ARFIP1: variants seen among roughly 807,000 people sequenced by gnomAD.
The protein encoded by ARFIP1 is arfaptin-1.
In ARFIP1, 24 loss-of-function variants were observed where a neutral mutation model predicts 42.5. The observed-to-expected ratio is 0.57, with a 90% confidence interval of 0.41 to 0.80. The LOEUF (loss-of-function observed/expected upper bound fraction) is 0.80. Ranked by LOEUF, ARFIP1 falls within the 30% of genes least tolerant of loss-of-function variation. ARFIP1 has a pLI of 0.00. For synonymous variants in ARFIP1, 141 were observed against 153.7 expected (o/e 0.92, Z 0.61); for missense variants, 354 against 434.0 (o/e 0.82, Z 1.64).
chr4:152,897,061 CA>C (rs1419532115), intron 8 of ARFIP1, among the ~76,000 whole-genome samples: 1 of 152,162 alleles, frequency 6.6e-6, no homozygotes. Flanking sequence ...TTTAAACACA[CA>C]TGGAAGAGGA....
intron 1 of ARFIP1, among the ~76,000 whole-genome samples, chr4:152,822,540 C>T (rs1438166754): frequency 6.6e-6 from 1 of 152,132 alleles, no homozygotes; most frequent in African/African-American, 2.4e-5. Flanking sequence ...ACACTGGAGT[C>T]AAGCTACACT....
At chr4:152,812,639 T>A (rs1307240777) in intron 1 of ARFIP1, among the ~76,000 whole-genome samples, 1 of 152,242 alleles carries the variant, frequency 6.6e-6, no homozygotes, top group African/African-American at 2.4e-5. Flanking sequence ...AAATTCCAAA[T>A]GAACTGGTGG....
At chr4:152,904,573 AGT>A (rs1467553910) in intron 8 of ARFIP1, among the ~76,000 whole-genome samples, 6 of 151,906 alleles carry the variant, frequency 3.9e-5, no homozygotes, top group African/African-American at 1.5e-4. Flanking sequence ...GACAGGCCCC[AGT>A]GTGTGTTGAT....
At chr4:152,837,411 C>G (rs1179505531) in intron 2 of ARFIP1, among the ~76,000 whole-genome samples, 1 of 152,116 alleles carries the variant, frequency 6.6e-6, no homozygotes, top group African/African-American at 2.4e-5. Flanking sequence ...GAAGTGTTTC[C>G]TGTTCACCGC....
intron 1 of ARFIP1, among the ~76,000 whole-genome samples, chr4:152,793,606 A>G (rs1731261954): frequency 6.6e-6 from 1 of 152,174 alleles, no homozygotes; most frequent in Admixed American, 6.5e-5. Flanking sequence ...ATAAGAGATT[A>G]ACAACAGTAA....
rs1181126320 is a variant in ARFIP1 at position 152,904,801 on chromosome 4, G to C, written c.967-5263G>C. 6.6e-5 allele frequency among the ~76,000 whole-genome samples: 10 copies of C among 152,172 alleles called. No homozygotes were observed. In the East Asian group the frequency reaches 1.2e-3, roughly 18 times the overall value. On this transcript the variant is annotated intron_variant, in intron 8 of 8. Coordinates refer to ENST00000353617, the MANE Select transcript of ARFIP1 (RefSeq NM_001025595.3). ...TCTTTATCTGGTCTATCATTGATGG[G>C]CATTTGGGTTGATTCCATGTCTTCA... is the stretch of plus-strand genomic sequence containing the variant.
intron 8 of ARFIP1, among the ~76,000 whole-genome samples, chr4:152,896,352 T>C (rs1737324061): frequency 6.6e-6 from 1 of 152,184 alleles, no homozygotes; most frequent in African/African-American, 2.4e-5. Context: ...AAGAACTCAA[T>C]GGTTCAGCAG....
intron 2 of ARFIP1, among the ~76,000 whole-genome samples, chr4:152,842,973 G>A (rs1294871079): frequency 6.6e-6 from 1 of 152,018 alleles, no homozygotes; most frequent in African/African-American, 2.4e-5. Context: ...GTGATTTTTT[G>A]GGGGGATGTT....
At chr4:152,850,085 T>C (rs1025700272) in intron 2 of ARFIP1, among the ~76,000 whole-genome samples, 1 of 152,190 alleles carries the variant, frequency 6.6e-6, no homozygotes, top group African/African-American at 2.4e-5. Context: ...GAAAATAAAA[T>C]CACATACCTT....
chr4:152,909,386 AAAAAC>A (rs1455591857), intron 8 of ARFIP1, among the ~76,000 whole-genome samples: 2 of 152,248 alleles, frequency 1.3e-5, no homozygotes, highest in African/African-American at 4.8e-5. Context: ...CTCTGTCTCA[AAAAAC>A]AAAACAAAAC....
In ARFIP1 at chr4:152,865,912, C is replaced by A. The variant is rs563831523; in HGVS notation, c.202+2198C>A. Reference sequence around the variant, plus strand: ...TAATTGATCATTCTTGGGTGTTTCTCGCAGAGGGGGATTTGGCAGGGTCAT... The same window carrying A: ...TAATTGATCATTCTTGGGTGTTTCTAGCAGAGGGGGATTTGGCAGGGTCAT... On this transcript the variant is annotated intron_variant, in intron 3 of 8. Coordinates refer to ENST00000353617, the MANE Select transcript of ARFIP1 (RefSeq NM_001025595.3). 1.3e-3 allele frequency among the ~76,000 whole-genome samples: 191 copies of A among 151,976 alleles called. 1 individual carries two copies. Among genetic ancestry groups the A allele is most frequent in the African/African-American group, 4.3e-3 (179 of 41,414 alleles).
chr4:152,803,868 T>A (rs1728618591), intron 1 of ARFIP1, among the ~76,000 whole-genome samples: 1 of 150,558 alleles, frequency 6.6e-6, no homozygotes, highest in Non-Finnish European at 1.5e-5. Context: ...TCTTAACTGC[T>A]CATGATAATA....
chr4:152,836,321 G>A (rs1439490699), intron 2 of ARFIP1, among the ~76,000 whole-genome samples: 1 of 152,112 alleles, frequency 6.6e-6, no homozygotes, highest in African/African-American at 2.4e-5. Context: ...GTGAAGTAAT[G>A]GATATGCTCA....
rs144379099 is a variant in ARFIP1 at position 152,884,364 on chromosome 4, A to G, written c.791+1484A>G. 2.0e-5 allele frequency among the ~76,000 whole-genome samples: 3 copies of G among 152,126 alleles called. No individual in the cohort carries two copies. The East Asian group carries it at 5.8e-4, about 29-fold the overall frequency. On this transcript the variant is annotated intron_variant, in intron 7 of 8. Coordinates refer to ENST00000353617, the MANE Select transcript of ARFIP1 (RefSeq NM_001025595.3). ...ATTATGTATATGAATTTTAAAATTC[A>G]TTTATATAAGTTTTACTTGATCCTT...
intron 1 of ARFIP1, among the ~76,000 whole-genome samples, chr4:152,828,870 G>C (rs1161753303): frequency 2.0e-5 from 3 of 152,150 alleles, no homozygotes; most frequent in Non-Finnish European, 2.9e-5. Flanking sequence ...ACTTAGGTCT[G>C]TGATCCATTT....
chr4:152,862,121 G>A (rs1733943898), intron 2 of ARFIP1, among the ~76,000 whole-genome samples: 1 of 152,118 alleles, frequency 6.6e-6, no homozygotes, highest in Non-Finnish European at 1.5e-5. Flanking sequence ...GTTGGCCATG[G>A]TAGCCTAGTT....
intron 5 of ARFIP1, among the ~76,000 whole-genome samples, chr4:152,876,694 T>G (rs1735369017): frequency 6.6e-6 from 1 of 152,210 alleles, no homozygotes; most frequent in Non-Finnish European, 1.5e-5. Context: ...ATGTCAGAAA[T>G]CTTCACGGCA....
intron 8 of ARFIP1, among the ~76,000 whole-genome samples, chr4:152,905,655 C>T (rs147139036): frequency 1.2e-3 from 184 of 147,202 alleles, no homozygotes; most frequent in African/African-American, 4.3e-3. Context: ...CGGGTTCAAG[C>T]GATTCTCCTG....
chr4:152,786,465 A>AATG (rs1730815828), intron 1 of ARFIP1, among the ~76,000 whole-genome samples: 1 of 152,224 alleles, frequency 6.6e-6, no homozygotes, highest in African/African-American at 2.4e-5. Context: ...TGATAGATCC[A>AATG]ATGATTGAAC....
Sources: allele counts gnomAD v4.1 joint callset (sites outside exome capture counted in the v4.1 genomes callset), GRCh38; gene constraint gnomAD v4.1.1; transcripts MANE v1.5; gene names NCBI Gene and HGNC (gene_info 2026-07-23, HGNC 2026-07-21).